Variants in GLI2 observed in about 807,000 individuals in gnomAD.
The protein encoded by GLI2 is GLI family zinc finger 2.
In GLI2, 22 loss-of-function variants were observed where a neutral mutation model predicts 78.9. The ratio of observed to expected loss-of-function variants is 0.28; its 90% CI spans 0.20 to 0.40. The LOEUF is 0.40. Ranked by LOEUF, GLI2 falls within the 10% of genes least tolerant of loss-of-function variation. The pLI is 1.00. For synonymous variants in GLI2, 974 were observed against 963.7 expected (o/e 1.01, Z -0.20); for missense variants, 2,097 against 2,213.2 (o/e 0.95, Z 1.05).
chr2:120,850,990 C>T (rs13020441), intron 2 of GLI2, among the ~76,000 whole-genome samples: 1 of 152,124 alleles, frequency 6.6e-6, no homozygotes, highest in Admixed American at 6.5e-5. Flanking sequence ...AAGTGGTTGC[C>T]TCCAGGGCAC....
intron 2 of GLI2, among the ~76,000 whole-genome samples, chr2:120,815,405 G>T (rs571096957): frequency 6.6e-6 from 1 of 152,148 alleles, no homozygotes; most frequent in Non-Finnish European, 1.5e-5. Context: ...AGTTGGGGGC[G>T]GAAGTGAGAG....
At position 120,989,546 on chromosome 2, in the gene GLI2, C is replaced by A. The variant is rs1356398498; in HGVS notation, c.3581C>A (p.Ala1194Asp). Reference protein sequence around the residue: ...TQPHLQPRSGAPSQGIPRVNY... With the variant: ...TQPHLQPRSGDPSQGIPRVNY... Reference sequence around the variant, plus strand: ...CCACACCTGCAGCCCCGCAGCGGAGCCCCCTCCCAGGGCATCCCCAGGGTA... The same window carrying A: ...CCACACCTGCAGCCCCGCAGCGGAGACCCCTCCCAGGGCATCCCCAGGGTA... The change falls in exon 14 of 14, where the codon GCC becomes GAC. Residue 1194 changes from alanine (A) to aspartate (D), a missense_variant. By Grantham distance (126) the Ala-to-Asp change is moderately radical. Around this residue, in one of 5 missense-constraint regions of GLI2, gnomAD observed 1,290 missense variants for 1,261.7 expected, o/e 1.02. Transcript: ENST00000361492. 6.2e-7 allele frequency: 1 copy of A among 1,612,614 alleles called. No homozygotes were observed. The highest frequency in any genetic ancestry group is 2.2e-5 in the East Asian group (1 of 44,840).
At chr2:120,927,142 CAGTTGGGG>C (rs1679719266) in intron 2 of GLI2, among the ~76,000 whole-genome samples, 1 of 152,212 alleles carries the variant, frequency 6.6e-6, no homozygotes, top group Non-Finnish European at 1.5e-5. Flanking sequence ...GTCAAGAGCG[CAGTTGGGG>C]ATCTTTTATG....
chr2:120,779,887 G>A (rs899087148), intron 1 of GLI2, among the ~76,000 whole-genome samples: 12 of 152,162 alleles, frequency 7.9e-5, no homozygotes, highest in African/African-American at 2.9e-4. Flanking sequence ...GGTCTGAGCT[G>A]TGGCAGCTTA....
chr2:120,810,640 G>A (rs999218114), intron 2 of GLI2, among the ~76,000 whole-genome samples: 2 of 152,186 alleles, frequency 1.3e-5, no homozygotes, highest in African/African-American at 4.8e-5. Context: ...AGGATACAGG[G>A]AGACAGCAGT....
intron 2 of GLI2, among the ~76,000 whole-genome samples, chr2:120,907,676 A>C (rs558653736): frequency 6.6e-6 from 1 of 152,284 alleles, no homozygotes; most frequent in African/African-American, 2.4e-5. Context: ...CTTCCTTGAC[A>C]GTTCCTCACT....
chr2:120,892,616 C>CT (rs1677736280), intron 2 of GLI2, among the ~76,000 whole-genome samples: 1 of 152,216 alleles, frequency 6.6e-6, no homozygotes, highest in African/African-American at 2.4e-5. Context: ...CTTTTTCTTG[C>CT]TGCTGCGCTG....
rs114438280 is a variant in GLI2 at position 120,897,737 on chromosome 2, T to G, written c.149-29624T>G. Among the ~76,000 whole-genome samples, 970 of 152,284 alleles carry G rather than the reference T, an allele frequency of 6.4e-3. 11 individuals are homozygous for G. The highest frequency in any genetic ancestry group is 0.022 in the African/African-American group (921 of 41,550). On this transcript the variant is annotated intron_variant, in intron 2 of 13. Coordinates refer to ENST00000361492, the MANE Select transcript of GLI2 (RefSeq NM_001374353.1). ...ATGTCTGATCTCAGGCCTGAAGATCTCTTAGAGACTCAGTTTCCCTTTCTG... is the reference window on the plus strand; with the variant it reads ...ATGTCTGATCTCAGGCCTGAAGATCGCTTAGAGACTCAGTTTCCCTTTCTG...
intron 2 of GLI2, among the ~76,000 whole-genome samples, chr2:120,898,489 C>T (rs1270866335): frequency 6.6e-6 from 1 of 152,084 alleles, no homozygotes; most frequent in Non-Finnish European, 1.5e-5. Flanking sequence ...CTTTCCAGCT[C>T]GGAGTGCAGA....
chr2:120,794,047 G>A (rs1340407803), intron 1 of GLI2, among the ~76,000 whole-genome samples: 1 of 152,238 alleles, frequency 6.6e-6, no homozygotes, highest in African/African-American at 2.4e-5. Context: ...GAGCCTTCTA[G>A]TTACCAGCTT....
At chr2:120,786,327 T>G (rs1247758009) in intron 1 of GLI2, among the ~76,000 whole-genome samples, 1 of 152,132 alleles carries the variant, frequency 6.6e-6, no homozygotes, top group Admixed American at 6.5e-5. Context: ...TCACATTGTT[T>G]GAAGAGGTGA....
At chr2:120,768,340 G>A (rs1249566268) in intron 1 of GLI2, among the ~76,000 whole-genome samples, 1 of 152,214 alleles carries the variant, frequency 6.6e-6, no homozygotes, top group African/African-American at 2.4e-5. Flanking sequence ...GGTTCCTGGC[G>A]AGGCCACTGA....
intron 2 of GLI2, among the ~76,000 whole-genome samples, chr2:120,915,510 GT>G: frequency 6.6e-6 from 1 of 152,334 alleles, no homozygotes; most frequent in Non-Finnish European, 1.5e-5. Flanking sequence ...GAATTCTCCT[GT>G]CCTGTGGCTT....
intron 2 of GLI2, among the ~76,000 whole-genome samples, chr2:120,891,970 C>A (rs1203183531): frequency 2.6e-5 from 4 of 152,174 alleles, no homozygotes; most frequent in Admixed American, 2.6e-4. Context: ...TGGGTGAAGC[C>A]CCCTTCCCAT....
intron 1 of GLI2, among the ~76,000 whole-genome samples, chr2:120,786,080 C>G (rs113978179): frequency 2.2e-4 from 34 of 152,294 alleles, no homozygotes; most frequent in African/African-American, 7.7e-4. Context: ...GCAAGGCAGC[C>G]TCACAATCCC....
chr2:120,909,927 A>G (rs1220160139), intron 2 of GLI2, among the ~76,000 whole-genome samples: 1 of 152,228 alleles, frequency 6.6e-6, no homozygotes, highest in Non-Finnish European at 1.5e-5. Context: ...AACCCTGGGG[A>G]CAGCAGACCC....
chr2:120,918,268 A>T (rs931471409), intron 2 of GLI2, among the ~76,000 whole-genome samples: 5 of 151,946 alleles, frequency 3.3e-5, no homozygotes, highest in South Asian at 2.1e-4. Context: ...GCATCGGTGG[A>T]TGCCTTATAT....
At chr2:120,877,863 A>G (rs1371138676) in intron 2 of GLI2, among the ~76,000 whole-genome samples, 6 of 151,938 alleles carry the variant, frequency 3.9e-5, no homozygotes, top group Non-Finnish European at 1.5e-5. Context: ...GTCTATGTGC[A>G]TTTTTCCCAG....
At chr2:120,810,912 G>C (rs1685207944) in intron 2 of GLI2, among the ~76,000 whole-genome samples, 1 of 152,216 alleles carries the variant, frequency 6.6e-6, no homozygotes, top group Admixed American at 6.5e-5. Context: ...CCAGAGGGTG[G>C]AGTTGCTGAT....
Sources: allele counts gnomAD v4.1 joint callset (sites outside exome capture counted in the v4.1 genomes callset), GRCh38; gene constraint gnomAD v4.1.1; regional missense constraint gnomAD v4.1.1; transcripts MANE v1.5; gene names NCBI Gene and HGNC (gene_info 2026-07-23, HGNC 2026-07-21).